KIF13A: variants seen among roughly 807,000 people sequenced by gnomAD.
The protein encoded by KIF13A is kinesin family member 13A, also known as kinesin-like protein KIF13A.
Under a neutral mutation model 212.2 loss-of-function variants are expected in KIF13A, and 79 were observed. The ratio of observed to expected loss-of-function variants is 0.37; its 90% confidence interval spans 0.31 to 0.45. KIF13A has a LOEUF of 0.45. Among genes scored for constraint, KIF13A ranks in the 20% least tolerant of loss-of-function variants. The pLI is 1.00. For missense variants in KIF13A, 1,901 were observed against 2,209.0 expected, an observed-to-expected ratio of 0.86 and a Z score of 2.79; for synonymous variants, 789 against 808.6, an observed-to-expected ratio of 0.98 and a Z score of 0.41.
chr6:17,944,456 A>G (rs1001037579), intron 2 of KIF13A, among the ~76,000 whole-genome samples: 5 of 152,196 alleles, frequency 3.3e-5, no homozygotes, highest in Non-Finnish European at 5.9e-5. Flanking sequence ...ATAAACCAAG[A>G]AAAGATTAAC....
chr6:17,853,653 A>T (rs1373110026), intron 6 of KIF13A, among the ~76,000 whole-genome samples: 1 of 152,240 alleles, frequency 6.6e-6, no homozygotes, highest in Non-Finnish European at 1.5e-5. Context: ...AGACAACAGT[A>T]AAAATGTATT....
chr6:17,926,096 TTAAAG>T lies in KIF13A; in HGVS notation c.147-27921_147-27917del, dbSNP rs1168810281. ...GAAGATGTCAGAACCAGACATATAA[TTAAAG>T]TAGTCATCATGTCCACGGTCCTACT... is the stretch of plus-strand genomic sequence containing the variant. On this transcript the variant is annotated intron_variant, in intron 2 of 38. Transcript: ENST00000259711. The surrounding 1 kb of genome is among the most constrained non-coding windows in gnomAD (Gnocchi z 4.3). 6.6e-6 allele frequency among the ~76,000 whole-genome samples: 1 copy of T among 152,178 alleles called. No individual in the cohort carries two copies. The highest frequency in any genetic ancestry group is 1.9e-4 in the East Asian group (1 of 5,198).
Position 17,837,382 on chromosome 6 carries a change from G to T in KIF13A, c.942+90C>A. On this transcript the variant is annotated intron_variant, in intron 10 of 38. Transcript: ENST00000259711. This position sits in a 1 kb window ranked among gnomAD's most constrained non-coding sequence, Gnocchi z 5.4. ...AACTGTCATCAGGAGAGTTCTTTAG[G>T]TATTTGGTTAGCTTTGTACACACCT... The T allele has an allele frequency of 1.2e-6, 1 of 826,564 alleles. No homozygotes were observed. The highest frequency in any genetic ancestry group is 2.0e-6 in the Non-Finnish European group (1 of 510,266). The allele number at this position is 826,564 out of a possible 1,614,324, so 51.2% of individuals were successfully genotyped here.
chr6:17,881,370 T>A, intron 3 of KIF13A: 1 of 383,048 alleles, frequency 2.6e-6, no homozygotes. Context: ...ACGAATAGGA[T>A]GTAGTACAGT....
chr6:17,844,554 T>A (rs1161649631), intron 9 of KIF13A, among the ~76,000 whole-genome samples: 2 of 152,206 alleles, frequency 1.3e-5, no homozygotes, highest in African/African-American at 2.4e-5. Flanking sequence ...TTTATAATTA[T>A]TCTTTCTCAA....
chr6:17,881,434 A>G (rs1166507968), intron 3 of KIF13A: 3 of 433,858 alleles, frequency 6.9e-6, no homozygotes, highest in Middle Eastern at 7.6e-4. Context: ...GCAAAAGTCA[A>G]TTTACAGTTA....
rs185098632 is a variant in KIF13A at position 17,874,015 on chromosome 6, C to T, written c.160-578G>A. On this transcript the variant is annotated intron_variant, in intron 3 of 38. Coordinates refer to ENST00000259711, the MANE Select transcript of KIF13A (RefSeq NM_022113.6). ...CATTTTAACGAGATATTTTTTTCCA[C>T]AATACATCTGATGAGAAAACACAAA... 4.7e-4 allele frequency among the ~76,000 whole-genome samples: 71 copies of T among 152,186 alleles called. 1 individual carries two copies. In the East Asian group the frequency reaches 0.011, roughly 23 times the overall value.
intron 2 of KIF13A, among the ~76,000 whole-genome samples, chr6:17,931,213 C>A (rs966139212): frequency 1.6e-4 from 24 of 152,226 alleles, no homozygotes; most frequent in African/African-American, 5.8e-4. Context: ...GTCACGAGAG[C>A]TGGATTATCA....
chr6:17,949,650 G>T (rs1439816661), intron 2 of KIF13A, among the ~76,000 whole-genome samples: 1 of 152,052 alleles, frequency 6.6e-6, no homozygotes, highest in Non-Finnish European at 1.5e-5. Context: ...TTGAAATTTT[G>T]ATCAAAGACA....
Position 17,771,315 on chromosome 6 carries a change from C to T in KIF13A, c.4477-97G>A, listed in dbSNP as rs1759477075. 1 of 750,634 alleles carries T rather than the reference C, an allele frequency of 1.3e-6. No individual in the cohort carries two copies. The highest frequency in any genetic ancestry group is 2.3e-6 in the Non-Finnish European group (1 of 435,024). The allele number at this position is 750,634 out of a possible 1,614,324, so 46.5% of individuals were successfully genotyped here. ...GCAAGTTAGAAAAGCAATGCTAACACTCTTATTACATGTGAGTAATGCAGC... is the reference window on the plus strand; with the variant it reads ...GCAAGTTAGAAAAGCAATGCTAACATTCTTATTACATGTGAGTAATGCAGC... On this transcript the variant is annotated intron_variant, in intron 37 of 38. Transcript: ENST00000259711. The surrounding 1 kb of genome is among the most constrained non-coding windows in gnomAD (Gnocchi z 5.4).
Position 17,987,265 on chromosome 6 carries a change from C to T in KIF13A, c.56-121G>A. 1 of 870,832 alleles carries T rather than the reference C, an allele frequency of 1.1e-6. No homozygotes were observed. 53.9% of individuals were successfully genotyped at this position (870,832 alleles called of 1,614,324 possible). A position where few individuals can be genotyped will look rare whatever the true frequency, so the allele number is the denominator to read the frequency against. The stretch of plus-strand genomic sequence containing the variant: ...GGCGGCCGAGCCTGGAGACGGCGCC[C>T]CGGGCACCACGGCCAGCGCGGACGC... On this transcript the variant is annotated intron_variant, in intron 1 of 38. Coordinates refer to ENST00000259711, the MANE Select transcript of KIF13A (RefSeq NM_022113.6). The surrounding 1 kb of genome is among the most constrained non-coding windows in gnomAD (Gnocchi z 7.7).
chr6:17,835,775 A>G (rs1765899844), intron 11 of KIF13A, among the ~76,000 whole-genome samples: 1 of 152,210 alleles, frequency 6.6e-6, no homozygotes, highest in African/African-American at 2.4e-5. Flanking sequence ...TCAGTCTTCT[A>G]TTGATTACTT....
rs1771280443 is a variant in KIF13A at position 17,883,617 on chromosome 6, C to G, written c.160-10180G>C. On this transcript the variant is annotated intron_variant, in intron 3 of 38. Transcript: ENST00000259711. The surrounding 1 kb of genome is among the most constrained non-coding windows in gnomAD (Gnocchi z 4.8). ...TGTTTACTGGATTCCCACTGCTTTC[C>G]CAAAAAGACATAAGAAATGACCCTA... 6.6e-6 allele frequency among the ~76,000 whole-genome samples: 1 copy of G among 152,142 alleles called. No individual in the cohort carries two copies. The highest frequency in any genetic ancestry group is 1.5e-5 in the Non-Finnish European group (1 of 68,022).
chr6:17,844,115 T>G (rs1766795871), intron 9 of KIF13A, among the ~76,000 whole-genome samples: 1 of 151,976 alleles, frequency 6.6e-6, no homozygotes, highest in African/African-American at 2.4e-5. Flanking sequence ...TAAGTGGATT[T>G]GAGTTTAGTG....
intron 16 of KIF13A, chr6:17,821,813 T>C: frequency 6.5e-7 from 1 of 1,535,286 alleles, no homozygotes; most frequent in Non-Finnish European, 8.7e-7. Flanking sequence ...TGGAGGAGCT[T>C]CGTCTGAAAC....
chr6:17,882,582 G>C (rs1008572274), intron 3 of KIF13A, among the ~76,000 whole-genome samples: 1 of 129,750 alleles, frequency 7.7e-6, no homozygotes, highest in Non-Finnish European at 1.7e-5. Context: ...TTTTTTTTTT[G>C]ATGGAGTCTT....
chr6:17,898,691 C>T lies in KIF13A; in HGVS notation c.147-511G>A, dbSNP rs1037801669. Among the ~76,000 whole-genome samples, 2 of 152,116 alleles carry T rather than the reference C, an allele frequency of 1.3e-5. No individual in the cohort carries two copies. Among genetic ancestry groups the T allele is most frequent in the African/African-American group, 4.8e-5 (2 of 41,460 alleles). The stretch of plus-strand genomic sequence containing the variant: ...GTTTTAAATAACTCATATTTTTTAA[C>T]ACTGAATAGACATTTAAAAGCAAGT... On this transcript the variant is annotated intron_variant, in intron 2 of 38. Transcript: ENST00000259711. This position sits in a 1 kb window ranked among gnomAD's most constrained non-coding sequence, Gnocchi z 5.2.
chr6:17,900,530 G>A lies in KIF13A; in HGVS notation c.147-2350C>T, dbSNP rs1268380947. On this transcript the variant is annotated intron_variant, in intron 2 of 38. Transcript: ENST00000259711. This position sits in a 1 kb window ranked among gnomAD's most constrained non-coding sequence, Gnocchi z 4.6. The stretch of plus-strand genomic sequence containing the variant: ...CTTGTTAAGAACAAATTGAGACTGC[G>A]AAGAAAAGAAAAAAGGGAAGCCACA... Among the ~76,000 whole-genome samples the A allele has an allele frequency of 2.6e-5, 4 of 151,980 alleles. No individual in the cohort carries two copies. Among genetic ancestry groups the A allele is most frequent in the South Asian group, 2.1e-4 (1 of 4,830 alleles).
chr6:17,764,772 C>T lies in KIF13A; in HGVS notation c.4756G>A (p.Val1586Met), dbSNP rs759127355. ...LSNSRVLEKE[V>M]SRSPTTSSIT... ...CTGCTGGTGGTAGGGCTACGGGACACTTCTTTCTCCAAGACCCGTGAGTTT... is the reference window on the plus strand; with the variant it reads ...CTGCTGGTGGTAGGGCTACGGGACATTTCTTTCTCCAAGACCCGTGAGTTT... The change falls in exon 39 of 39, where the codon GTG becomes ATG. Residue 1586 changes from valine (V) to methionine (M), a missense_variant. Coordinates refer to ENST00000259711, the MANE Select transcript of KIF13A (RefSeq NM_022113.6). This position sits in a 1 kb window ranked among gnomAD's most constrained non-coding sequence, Gnocchi z 5.1. The T allele has an allele frequency of 6.2e-6, 10 of 1,613,076 alleles. No individual in the cohort carries two copies. In the African/African-American group the frequency reaches 1.3e-4, roughly 22 times the overall value.
Sources: allele counts gnomAD v4.1 joint callset (sites outside exome capture counted in the v4.1 genomes callset), GRCh38; gene constraint gnomAD v4.1.1; non-coding constraint Gnocchi (gnomAD v3.1); transcripts MANE v1.5; gene names NCBI Gene and HGNC (gene_info 2026-07-23, HGNC 2026-07-21).